CD163L1: variants seen among roughly 807,000 people sequenced by gnomAD.
The protein encoded by CD163L1 is CD163 molecule like 1, also known as scavenger receptor cysteine-rich type 1 protein M160.
Under a neutral mutation model 165.4 loss-of-function variants are expected in CD163L1, and 124 were observed. That is an observed-to-expected ratio of 0.75 (90% confidence interval 0.65 to 0.87). CD163L1 has a LOEUF of 0.87. Ranked by LOEUF, CD163L1 falls within the 40% of genes least tolerant of loss-of-function variation. The pLI is 0.00. For missense variants in CD163L1, 1,525 were observed against 1,799.9 expected (o/e 0.85, Z 2.76); for synonymous variants, 585 against 662.2 (o/e 0.88, Z 1.79).
chr12:7,421,089 A>ATATATGTATATATACGTATATATATACG (rs1948359923), intron 4 of CD163L1, among the ~76,000 whole-genome samples: 1 of 112,726 alleles, frequency 8.9e-6, no homozygotes, highest in Admixed American at 1.0e-4. Flanking sequence ...ATATATACGT[A>ATATATGTATATATACGTATATATATACG]TATATATGTA....
chr12:7,382,083 CACAT>C (rs1947423042), intron 8 of CD163L1, among the ~76,000 whole-genome samples: 1 of 147,868 alleles, frequency 6.8e-6, no homozygotes, highest in Non-Finnish European at 1.5e-5. Context: ...TATATATACA[CACAT>C]AGAGATATAT....
chr12:7,421,504 TATAC>T (rs1177767242), intron 4 of CD163L1, among the ~76,000 whole-genome samples: 46 of 86,726 alleles, frequency 5.3e-4, no homozygotes, highest in African/African-American at 2.1e-3. Flanking sequence ...TATATGTACA[TATAC>T]ATATACATAT....
rs772696487 is a variant in CD163L1, at chr12:7,374,898, T to G, written c.3027A>C (p.Pro1009=). 27 of 1,613,984 alleles carry G rather than the reference T, an allele frequency of 1.7e-5. No individual in the cohort carries two copies. The highest frequency in any genetic ancestry group is 2.3e-5 in the Non-Finnish European group (27 of 1,179,938). The change falls in exon 12 of 20, where the codon CCA becomes CCC. Residue 1009 remains proline, a synonymous_variant. Transcript: ENST00000313599. This position sits in a 1 kb window ranked among gnomAD's most constrained non-coding sequence, Gnocchi z 5.4. ...ATGGGTCAGATACATTTGCGAGGCA[T>G]GGAAACAGTGGCTGGGTCAGGCTTC... ...CTGSLTQPLF[P]CLANVSDPYL... is the part of the protein sequence containing the mutation.
At chr12:7,395,528 G>A (rs1947754200) in intron 8 of CD163L1, among the ~76,000 whole-genome samples, 1 of 152,064 alleles carries the variant, frequency 6.6e-6, no homozygotes, top group African/African-American at 2.4e-5. Flanking sequence ...AACCAACATG[G>A]CACATGTATA....
At chr12:7,354,322 A>G (rs1472251176), downstream of CD163L1, among the ~76,000 whole-genome samples, 1 of 152,126 alleles carries the variant, frequency 6.6e-6, no homozygotes, top group East Asian at 1.9e-4. Flanking sequence ...TCCTATAGGA[A>G]CAACAATATG....
intron 3 of CD163L1, 29 bp downstream of exon 3, chr12:7,433,345 T>G: frequency 6.4e-7 from 1 of 1,551,056 alleles, no homozygotes; most frequent in Non-Finnish European, 8.7e-7. Context: ...AGGTCTTACC[T>G]TGCCTTCCTA....
intron 2 of CD163L1, among the ~76,000 whole-genome samples, chr12:7,435,763 T>G (rs1313013641): frequency 1.3e-5 from 2 of 152,072 alleles, no homozygotes; most frequent in African/African-American, 4.8e-5. Context: ...AGCAGAACAT[T>G]TGACAATAGT....
the CD163L1 span, among the ~76,000 whole-genome samples, chr12:7,320,252 A>G: frequency 6.6e-6 from 1 of 152,240 alleles, no homozygotes; most frequent in African/African-American, 2.4e-5. Context: ...AAGGCCAAAA[A>G]AAATGCTTAT....
intron 19 of CD163L1, among the ~76,000 whole-genome samples, chr12:7,355,433 G>A (rs758756498): frequency 4.6e-5 from 7 of 152,060 alleles, no homozygotes; most frequent in Non-Finnish European, 8.8e-5. Context: ...AAAAAGGAAG[G>A]TATGATTACA....
Position 7,403,706 on chromosome 12 carries a change from G to A in CD163L1, c.1237C>T (p.Pro413Ser). 6.2e-7 allele frequency: 1 copy of A among 1,614,048 alleles called. No homozygotes were observed. The highest frequency in any genetic ancestry group is 8.5e-7 in the Non-Finnish European group (1 of 1,179,976). ...ALVVCKQLGCPFSVFGSRRAK... is the reference protein window; with the variant it reads ...ALVVCKQLGCSFSVFGSRRAK... Reference sequence around the variant, plus strand: ...CGACGACTGCCAAAGACGCTGAACGGACATCCTAGCTGCTTACAAACCACA... The same window carrying A: ...CGACGACTGCCAAAGACGCTGAACGAACATCCTAGCTGCTTACAAACCACA... The change falls in exon 6 of 20, where the codon CCG (proline) becomes TCG (serine). Residue 413 changes from proline (P) to serine (S), a missense_variant. Physicochemically the swap from Pro to Ser is moderately conservative, Grantham distance 74. Transcript: ENST00000313599.
chr12:7,341,513 C>T, the CD163L1 span, among the ~76,000 whole-genome samples: 1 of 152,174 alleles, frequency 6.6e-6, no homozygotes, highest in African/African-American at 2.4e-5. Context: ...TAGTCCTGTC[C>T]TAACATGATA....
Position 7,347,861 on chromosome 12 carries a change from AAAT to A in CD163L1, c.*25-717_*25-715del, listed in dbSNP as rs1230075515. 6.6e-6 allele frequency among the ~76,000 whole-genome samples: 1 copy of A among 152,196 alleles called. No individual in the cohort carries two copies. The highest frequency in any genetic ancestry group is 6.5e-5 in the Admixed American group (1 of 15,284). ...CTTCTCAATTGCCATTCCCTTGATA[AAAT>A]AATAACAAATATAAAATTAAAAACT... On this transcript the variant is annotated intron_variant, in intron 4 of 4. Transcript: ENST00000539726. The surrounding 1 kb of genome is among the most constrained non-coding windows in gnomAD (Gnocchi z 4.2).
downstream of CD163L1, among the ~76,000 whole-genome samples, chr12:7,345,324 C>T (rs1946662408): frequency 6.6e-6 from 1 of 152,148 alleles, no homozygotes; most frequent in Non-Finnish European, 1.5e-5. Flanking sequence ...CACCAGATGC[C>T]TTAAGTCATC....
In CD163L1 at chr12:7,403,776, C is replaced by T; in HGVS notation, c.1167G>A (p.Gln389=). ...AGTTCTGGTCACATATTGTCCACCACTGTTCATGAATTCTCACCTCTACTC... is the reference window on the plus strand; with the variant it reads ...AGTTCTGGTCACATATTGTCCACCATTGTTCATGAATTCTCACCTCTACTC... ...SGRVEVRIHE[Q]WWTICDQNWK... The change falls in exon 6 of 20, where the codon CAG becomes CAA. Residue 389 remains glutamine (Q), a synonymous_variant. Coordinates refer to ENST00000313599, the MANE Select transcript of CD163L1 (RefSeq NM_174941.6). 2 of 1,613,942 alleles carry T rather than the reference C, an allele frequency of 1.2e-6. No individual in the cohort carries two copies. The highest frequency in any genetic ancestry group is 1.7e-6 in the Non-Finnish European group (2 of 1,179,954).
At chr12:7,370,545 T>A (rs1189518441) in intron 14 of CD163L1, among the ~76,000 whole-genome samples, 1 of 152,214 alleles carries the variant, frequency 6.6e-6, no homozygotes, top group Non-Finnish European at 1.5e-5. Context: ...TAATTAACTT[T>A]TAGGTAATTT....
At chr12:7,422,194 A>G (rs1465450820) in intron 4 of CD163L1, among the ~76,000 whole-genome samples, 1 of 152,122 alleles carries the variant, frequency 6.6e-6, no homozygotes, top group East Asian at 1.9e-4. Context: ...CCTGGAGAAG[A>G]GGGGCATGAC....
intron 4 of CD163L1, among the ~76,000 whole-genome samples, chr12:7,421,544 CATATACATATACATAT>C (rs1948418799): frequency 8.8e-6 from 1 of 113,790 alleles, no homozygotes; most frequent in Non-Finnish European, 1.7e-5. Flanking sequence ...TATACGTACA[CATATACATATACATAT>C]ATGTACATAT....
chr12:7,369,505 C>T lies in CD163L1; in HGVS notation c.3891G>A (p.Arg1297=), dbSNP rs776176165. The change falls in exon 15 of 20, where the codon AGG becomes AGA. Residue 1297 remains arginine (R), a synonymous_variant. Coordinates refer to ENST00000313599, the MANE Select transcript of CD163L1 (RefSeq NM_174941.6). This position sits in a 1 kb window ranked among gnomAD's most constrained non-coding sequence, Gnocchi z 4.9. ...CAGTTCCCTGGCCAAACGAAGCGTC[C>T]CTCAGGGCAGCCAGAGCAGAGCCAC... ...LGCGSALAAL[R]DASFGQGTGT... 1.1e-5 allele frequency: 17 copies of T among 1,614,046 alleles called. No individual in the cohort carries two copies. The highest frequency in any genetic ancestry group is 1.4e-5 in the Non-Finnish European group (16 of 1,180,026).
chr12:7,415,821 A>G (rs1241538436), intron 4 of CD163L1, among the ~76,000 whole-genome samples: 1 of 152,218 alleles, frequency 6.6e-6, no homozygotes, highest in Non-Finnish European at 1.5e-5. Flanking sequence ...TATCCAGTCT[A>G]TCATTGATGG....
Sources: gnomAD v4.1 joint callset for allele counts (sites outside exome capture counted in the v4.1 genomes callset) on GRCh38, gnomAD v4.1.1 for gene constraint, Gnocchi (gnomAD v3.1) non-coding constraint, MANE v1.5 for transcripts, NCBI Gene and HGNC (gene_info 2026-07-23, HGNC 2026-07-21) for gene names.